MMP2: variants seen among roughly 807,000 people sequenced by gnomAD.
MMP2 encodes 72 kDa type IV collagenase.
In MMP2, 39 loss-of-function variants were observed where a neutral mutation model predicts 74.8. That is an observed-to-expected ratio of 0.52 (90% CI 0.40 to 0.68). MMP2 has a LOEUF of 0.68. Ranked by LOEUF, MMP2 falls within the 30% of genes least tolerant of loss-of-function variation. The pLI is 0.00. For missense variants in MMP2, 803 were observed against 878.3 expected (o/e 0.91, Z 1.08); for synonymous variants, 367 against 339.8 (o/e 1.08, Z -0.88).
At position 55,505,671 on chromosome 16, in the gene MMP2, C is replaced by T; in HGVS notation, c.*229C>T. ...CAGGCGCCCCTTCCCCCTCCAATCC[C>T]ACCAACCCTCAGAGCCACCCCTAAA... is the stretch of plus-strand genomic sequence containing the variant. On this transcript the variant is annotated 3_prime_UTR_variant, in exon 13 of 13. Coordinates refer to ENST00000219070, the MANE Select transcript of MMP2 (RefSeq NM_004530.6). 1.7e-6 allele frequency: 1 copy of T among 588,788 alleles called. No homozygotes were observed. Among genetic ancestry groups the T allele is most frequent in the South Asian group, 2.0e-5 (1 of 50,982 alleles). The allele number at this position is 588,788 out of a possible 1,614,324, so 36.5% of individuals were successfully genotyped here. A position where few individuals can be genotyped will look rare whatever the true frequency, so the allele number is the denominator to read the frequency against.
At chr16:55,494,683 C>T (rs1470582438) in intron 9 of MMP2, among the ~76,000 whole-genome samples, 3 of 152,204 alleles carry the variant, frequency 2.0e-5, no homozygotes, top group African/African-American at 7.2e-5. Context: ...CAAATTCTCC[C>T]AGTGATTCTG....
chr16:55,505,559 C>T lies in MMP2; in HGVS notation c.*117C>T. 1 of 823,708 alleles carries T rather than the reference C, an allele frequency of 1.2e-6. No homozygotes were observed. Among genetic ancestry groups the T allele is most frequent in the Non-Finnish European group, 2.1e-6 (1 of 475,668 alleles). 51.0% of individuals were successfully genotyped at this position (823,708 alleles called of 1,614,324 possible). ...CCGTGCCTTCAGCTCTACAGCTAAT[C>T]AGCATTCTCACTCCTACCTGGTAAT... On this transcript the variant is annotated 3_prime_UTR_variant, in exon 13 of 13. Coordinates refer to ENST00000219070, the MANE Select transcript of MMP2 (RefSeq NM_004530.6).
At chr16:55,499,228 T>A (rs1472504615) in intron 11 of MMP2, among the ~76,000 whole-genome samples, 1 of 151,396 alleles carries the variant, frequency 6.6e-6, no homozygotes, top group Non-Finnish European at 1.5e-5. Context: ...CATAGCCAGG[T>A]AGGGACAGGT....
chr16:55,494,504 G>A (rs891932232), intron 9 of MMP2, among the ~76,000 whole-genome samples: 2 of 152,130 alleles, frequency 1.3e-5, no homozygotes, highest in Non-Finnish European at 2.9e-5. Context: ...TGATGTTCTC[G>A]GGACAGTGGG....
In MMP2 at chr16:55,479,557, C is replaced by A; in HGVS notation, c.78C>A (p.His26Gln). The change falls in exon 1 of 13, where the codon CAC (histidine) becomes CAA (glutamine). Residue 26 changes from histidine to glutamine, a missense_variant. Coordinates refer to ENST00000219070, the MANE Select transcript of MMP2 (RefSeq NM_004530.6). Reference sequence around the variant, plus strand: ...GTCTCCTGGGCTGCCTGCTGAGCCACGCCGCCGCCGCGCCGTCGCCCATCA... The same window carrying A: ...GTCTCCTGGGCTGCCTGCTGAGCCAAGCCGCCGCCGCGCCGTCGCCCATCA... ...ALCLLGCLLS[H>Q]AAAAPSPIIK... 1 of 1,612,630 alleles carries A rather than the reference C, an allele frequency of 6.2e-7. No individual in the cohort carries two copies. The highest frequency in any genetic ancestry group is 8.5e-7 in the Non-Finnish European group (1 of 1,179,728).
At position 55,493,292 on chromosome 16, in the gene MMP2, C is replaced by T. The variant is rs771097911; in HGVS notation, c.1471C>T (p.Arg491Trp). ...TGGTGAGATCTTCTTCTTCAAGGACCGGTGAGTGCAGGAGCTTGCTTCTTG... is the reference window on the plus strand; with the variant it reads ...TGGTGAGATCTTCTTCTTCAAGGACTGGTGAGTGCAGGAGCTTGCTTCTTG... Reference protein sequence around the residue: ...IRGEIFFFKDRFIWRTVTPRD... With the variant: ...IRGEIFFFKDWFIWRTVTPRD... Residue 491 changes from arginine (R) to tryptophan (W), a missense_variant and splice_region_variant, in exon 9 of 13, where the codon CGG becomes TGG. Arg to Trp is a moderately radical substitution (Grantham distance 101, BLOSUM62 -3). This residue lies in a region of MMP2 where 555 missense variants were observed against 592.0 expected (regional missense o/e 0.94). Coordinates refer to ENST00000219070, the MANE Select transcript of MMP2 (RefSeq NM_004530.6). 7.4e-6 allele frequency: 12 copies of T among 1,614,034 alleles called. No homozygotes were observed. Among genetic ancestry groups the T allele is most frequent in the South Asian group, 4.4e-5 (4 of 91,072 alleles).
chr16:55,483,446 G>A (rs1208007605), intron 2 of MMP2, among the ~76,000 whole-genome samples: 1 of 151,972 alleles, frequency 6.6e-6, no homozygotes, highest in Non-Finnish European at 1.5e-5. Flanking sequence ...AATACAAACG[G>A]CTTCTATGAT....
At chr16:55,488,349 G>A (rs1962309102) in intron 5 of MMP2, 194 bp from the exon 6 acceptor site, 1 of 626,300 alleles carries the variant, frequency 1.6e-6, no homozygotes. Flanking sequence ...GGAGGGATTG[G>A]GATAACCAGG....
At chr16:55,492,036 GGGA>G in intron 8 of MMP2, 80 bp downstream of exon 8, 1 of 1,407,690 alleles carries the variant, frequency 7.1e-7, no homozygotes, top group Non-Finnish European at 9.9e-7. Flanking sequence ...CCCAGGGGGT[GGGA>G]CCAGCAAGAT....
intron 1 of MMP2, among the ~76,000 whole-genome samples, chr16:55,481,244 G>A (rs1367972296): frequency 1.3e-5 from 2 of 152,182 alleles, no homozygotes; most frequent in Non-Finnish European, 2.9e-5. Context: ...CAGAAAAAGG[G>A]TGGGGAGTTC....
intron 10 of MMP2, among the ~76,000 whole-genome samples, chr16:55,497,730 C>T (rs17859980): frequency 0.016 from 2,492 of 152,308 alleles, 65 homozygotes; most frequent in African/African-American, 0.053. Flanking sequence ...CATTTCCATG[C>T]GCTGGGCTTT....
rs748523392 is a variant in MMP2, at chr16:55,489,659, A to G, written c.1015A>G (p.Thr339Ala). 4 of 1,614,112 alleles carry G rather than the reference A, an allele frequency of 2.5e-6. No homozygotes were observed. The highest frequency in any genetic ancestry group is 2.5e-6 in the Non-Finnish European group (3 of 1,180,024). ...TATCCCTAACCCCACAGCCATGTCCACTGTTGGTGGGAACTCAGAAGGTGC... is the reference window on the plus strand; with the variant it reads ...TATCCCTAACCCCACAGCCATGTCCGCTGTTGGTGGGAACTCAGAAGGTGC... ...YGFCPETAMS[T>A]VGGNSEGAPC... is the part of the protein sequence containing the mutation. Residue 339 changes from threonine to alanine, a missense_variant, in exon 7 of 13, where the codon ACT becomes GCT. Thr to Ala is a moderately conservative substitution (Grantham distance 58). Transcript: ENST00000219070.
At position 55,484,035 on chromosome 16, in the gene MMP2, G is replaced by A; in HGVS notation, c.400G>A (p.Asp134Asn). The A allele has an allele frequency of 6.2e-7, 1 of 1,614,168 alleles. No homozygotes were observed. Among genetic ancestry groups the A allele is most frequent in the Non-Finnish European group, 8.5e-7 (1 of 1,180,024 alleles). Residue 134 changes from aspartate to asparagine, a missense_variant, in exon 3 of 13, where the codon GAT (aspartate) becomes AAT (asparagine). This residue lies in a region of MMP2 where 223 missense variants were observed against 232.8 expected (regional missense o/e 0.96). Coordinates refer to ENST00000219070, the MANE Select transcript of MMP2 (RefSeq NM_004530.6). ...CTCCAGGATCATTGGCTACACACCT[G>A]ATCTGGACCCAGAGACAGTGGATGA... ...ITYRIIGYTP[D>N]LDPETVDDAF...
rs1240606144 is a variant in MMP2 at position 55,479,324 on chromosome 16, A to G, written c.-156A>G. 11 of 877,808 alleles carry G rather than the reference A, an allele frequency of 1.3e-5. No individual in the cohort carries two copies. The highest frequency in any genetic ancestry group is 1.5e-5 in the Non-Finnish European group (10 of 664,484). The allele number at this position is 877,808 out of a possible 1,614,324, so 54.4% of individuals were successfully genotyped here. A position where few individuals can be genotyped will look rare whatever the true frequency, so the allele number is the denominator to read the frequency against. On this transcript the variant is annotated 5_prime_UTR_variant, in exon 1 of 13. An upstream start codon of the reference 5' UTR is lost. Coordinates refer to ENST00000219070, the MANE Select transcript of MMP2 (RefSeq NM_004530.6). ...GGGGCTGGGGCGCGGGGGCCGGACC[A>G]TGAGCCGCTGAGCCGGGCAAACCCC...
At chr16:55,501,174 G>A (rs901818365) in intron 11 of MMP2, among the ~76,000 whole-genome samples, 1 of 152,188 alleles carries the variant, frequency 6.6e-6, no homozygotes, top group Admixed American at 6.5e-5. Flanking sequence ...TTTCCCAAGT[G>A]TGGAAACTGA....
chr16:55,502,751 C>A, intron 11 of MMP2, 28 bp from the exon 12 acceptor site: 1 of 1,591,790 alleles, frequency 6.3e-7, no homozygotes, highest in Non-Finnish European at 8.6e-7. Context: ...AGAGGCCCTG[C>A]TGGTTCACTG....
rs1962699025 is a variant in MMP2, at chr16:55,502,779, A to G, written c.1770A>G (p.Arg590=). 2 of 1,612,840 alleles carry G rather than the reference A, an allele frequency of 1.2e-6. No homozygotes were observed. The highest frequency in any genetic ancestry group is 2.2e-5 in the South Asian group (2 of 91,070). The change falls in exon 12 of 13, where the codon AGA becomes AGG. Residue 590 remains arginine, a splice_region_variant and synonymous_variant. Coordinates refer to ENST00000219070, the MANE Select transcript of MMP2 (RefSeq NM_004530.6). The part of the protein sequence containing the change: ...TYIFAGDKFW[R]YNEVKKKMDP... ...GTTCACTGTGTCTGTTTCTTTACAG[A>G]TACAATGAGGTGAAGAAGAAAATGG...
chr16:55,496,692 C>A (rs1962535552), intron 9 of MMP2, among the ~76,000 whole-genome samples: 1 of 152,108 alleles, frequency 6.6e-6, no homozygotes, highest in South Asian at 2.1e-4. Flanking sequence ...GGAAGGCTTC[C>A]TGGAGGAGGT....
At chr16:55,493,385 C>T (rs1596820266) in intron 9 of MMP2, 92 bp downstream of exon 9, 17 of 1,556,164 alleles carry the variant, frequency 1.1e-5, no homozygotes, top group South Asian at 6.7e-5. Context: ...CTGAAGACTC[C>T]GCCAAATGCT....
Sources: gnomAD v4.1 joint callset for allele counts (sites outside exome capture counted in the v4.1 genomes callset) on GRCh38, gnomAD v4.1.1 for gene constraint, gnomAD v4.1.1 regional missense constraint, MANE v1.5 for transcripts, NCBI Gene and HGNC (gene_info 2026-07-23, HGNC 2026-07-21) for gene names.